PLEKHA7: variants seen among roughly 807,000 people sequenced by gnomAD.
PLEKHA7 encodes pleckstrin homology domain-containing family A member 7.
A neutral mutation model predicts 170.0 loss-of-function variants in PLEKHA7; 104 were observed. The ratio of observed to expected loss-of-function variants is 0.61; its 90% confidence interval spans 0.52 to 0.72. PLEKHA7 has a LOEUF of 0.72. Ranked by LOEUF, PLEKHA7 falls within the 30% of genes least tolerant of loss-of-function variation. The probability of loss-of-function intolerance (pLI) is 0.00; values close to 1 mark genes in which losing one functional copy is unlikely to be tolerated. For synonymous variants in PLEKHA7, 648 were observed against 660.8 expected, an observed-to-expected ratio of 0.98 and a Z score of 0.30; for missense variants, 1,615 against 1,671.7, an observed-to-expected ratio of 0.97 and a Z score of 0.59.
At chr11:16,963,722 T>C (rs1862203823) in intron 3 of PLEKHA7, among the ~76,000 whole-genome samples, 1 of 152,184 alleles carries the variant, frequency 6.6e-6, no homozygotes, top group Non-Finnish European at 1.5e-5. Flanking sequence ...CGAGTAGCCC[T>C]AATCTGGCAG....
chr11:16,787,853 C>T (rs1205979053), intron 23 of PLEKHA7: 3 of 152,222 alleles, frequency 2.0e-5, no homozygotes, highest in African/African-American at 7.2e-5. Context: ...AGGTTTGCAG[C>T]TTTTAAAGAT....
In PLEKHA7 at chr11:16,783,853, T is replaced by C; in HGVS notation, c.3517-20A>G. The stretch of plus-strand genomic sequence containing the variant: ...GGACAGCTGGGGAGAGGCCAGGAGG[T>C]GGCAGAGGGAGAGGCTCAGATGTCT... On this transcript the variant is annotated intron_variant, in intron 24 of 26. Transcript: ENST00000531066. 2.1e-6 allele frequency: 3 copies of C among 1,427,824 alleles called. No individual in the cohort carries two copies. The highest frequency in any genetic ancestry group is 2.7e-6 in the Non-Finnish European group (3 of 1,092,456). 88.4% of individuals were successfully genotyped at this position (1,427,824 alleles called of 1,614,324 possible). A position where few individuals can be genotyped will look rare whatever the true frequency, so the allele number is the denominator to read the frequency against.
At chr11:17,009,567 C>A (rs1346408505) in intron 3 of PLEKHA7, among the ~76,000 whole-genome samples, 4 of 152,116 alleles carry the variant, frequency 2.6e-5, no homozygotes, top group Non-Finnish European at 5.9e-5. Flanking sequence ...ACTATTATAC[C>A]TTGCTACCCA....
chr11:16,797,126 A>G (rs1848287756), intron 17 of PLEKHA7, among the ~76,000 whole-genome samples: 1 of 152,232 alleles, frequency 6.6e-6, no homozygotes, highest in South Asian at 2.1e-4. Context: ...CTATATGATC[A>G]TGTGCATTCT....
intron 26 of PLEKHA7, chr11:16,781,078 C>T (rs1217523889): frequency 2.1e-6 from 2 of 938,336 alleles, no homozygotes; most frequent in Admixed American, 6.2e-5. Flanking sequence ...AGGAATTAAG[C>T]GGTGTGTTAG....
At chr11:16,908,491 A>T (rs545861921) in intron 3 of PLEKHA7, among the ~76,000 whole-genome samples, 5 of 140,270 alleles carry the variant, frequency 3.6e-5, no homozygotes, top group South Asian at 2.3e-4. Context: ...TGAGAAAATA[A>T]TTTTTTTTTC....
At chr11:16,868,612 G>A (rs889104167) in intron 4 of PLEKHA7, among the ~76,000 whole-genome samples, 1 of 152,168 alleles carries the variant, frequency 6.6e-6, no homozygotes, top group Non-Finnish European at 1.5e-5. Flanking sequence ...TATAAGTGCA[G>A]GAATCCTCCC....
Position 16,895,556 on chromosome 11 carries a change from C to G in PLEKHA7, c.222-24374G>C, listed in dbSNP as rs148509971. Among the ~76,000 whole-genome samples the G allele has an allele frequency of 7.4e-3, 1,121 of 152,318 alleles. 18 individuals are homozygous for G. Among genetic ancestry groups the G allele is most frequent in the African/African-American group, 0.025 (1,032 of 41,564 alleles). ...ACAGCAGAGAGAGAGCTCAGTGAAT[C>G]ACTTTTCTCTGCTAGTGATGGTTTC... On this transcript the variant is annotated intron_variant, in intron 3 of 26. Transcript: ENST00000531066.
At chr11:16,780,337 C>T (rs2134099009) in intron 26 of PLEKHA7, among the ~76,000 whole-genome samples, 1 of 152,334 alleles carries the variant, frequency 6.6e-6, no homozygotes, top group Middle Eastern at 3.4e-3. Flanking sequence ...GGGTTGGTGC[C>T]AGAGCTTTCT....
intron 3 of PLEKHA7, among the ~76,000 whole-genome samples, chr11:16,906,893 A>C (rs1309061816): frequency 3.2e-5 from 4 of 124,290 alleles, no homozygotes; most frequent in South Asian, 2.9e-4. Context: ...CGTCTCTGCC[A>C]CGCCGCCCAT....
At chr11:16,867,872 C>G (rs1232790110) in intron 4 of PLEKHA7, among the ~76,000 whole-genome samples, 1 of 152,222 alleles carries the variant, frequency 6.6e-6, no homozygotes, top group Non-Finnish European at 1.5e-5. Flanking sequence ...TTCCCTCTTC[C>G]TCCAGTTTAA....
At chr11:16,794,792 C>T in intron 18 of PLEKHA7, 78 bp from the exon 19 acceptor site, 1 of 1,543,282 alleles carries the variant, frequency 6.5e-7, no homozygotes, top group Non-Finnish European at 9.0e-7. Context: ...AGTAATTTAG[C>T]ACCTCGAAGA....
intron 24 of PLEKHA7, 100 bp downstream of exon 24, chr11:16,786,129 G>T (rs1849375763): frequency 1.5e-6 from 2 of 1,377,118 alleles, no homozygotes; most frequent in Admixed American, 2.2e-5. Context: ...GCTGAGCCAT[G>T]TCCCTGTTCA....
intron 4 of PLEKHA7, among the ~76,000 whole-genome samples, chr11:16,865,970 TG>T (rs2135587255): frequency 6.6e-6 from 1 of 151,778 alleles, no homozygotes; most frequent in South Asian, 2.1e-4. Flanking sequence ...CCCGAGTAGC[TG>T]GGATTACAGG....
At chr11:16,997,638 C>A (rs1188347485) in intron 3 of PLEKHA7, among the ~76,000 whole-genome samples, 1 of 152,198 alleles carries the variant, frequency 6.6e-6, no homozygotes, top group African/African-American at 2.4e-5. Context: ...GGTCTCTGAG[C>A]CCCAGCACAG....
intron 3 of PLEKHA7, among the ~76,000 whole-genome samples, chr11:16,924,095 CCA>C (rs1366134602): frequency 3.9e-5 from 6 of 152,098 alleles, no homozygotes; most frequent in Non-Finnish European, 7.4e-5. Context: ...CCTTCCACTC[CCA>C]CTCATTAGGG....
At position 17,009,625 on chromosome 11, in the gene PLEKHA7, TTTTA is replaced by T. The variant is rs34851996; in HGVS notation, c.221+4360_221+4363del. On this transcript the variant is annotated intron_variant, in intron 3 of 26. Transcript: ENST00000531066. ...AGTGCTAGAGTACAAAAAGTCTTCG[TTTTA>T]TTTATTTATTTATTTATTTATTTAC... is the stretch of plus-strand genomic sequence containing the variant. 8.0e-5 allele frequency among the ~76,000 whole-genome samples: 12 copies of T among 149,230 alleles called. No homozygotes were observed. The South Asian group carries it at 8.6e-4, about 11-fold the overall frequency.
intron 9 of PLEKHA7, among the ~76,000 whole-genome samples, chr11:16,828,345 G>T (rs1371303386): frequency 6.6e-6 from 1 of 152,084 alleles, no homozygotes; most frequent in Admixed American, 6.5e-5. Flanking sequence ...TCTCCTTCCT[G>T]CCATCATGCA....
intron 3 of PLEKHA7, among the ~76,000 whole-genome samples, chr11:16,997,953 G>C (rs80030137): frequency 0.051 from 7,759 of 152,274 alleles, 372 homozygotes; most frequent in East Asian, 0.15. Context: ...TGGACAGAGA[G>C]AGACTATGAG....
Sources: gnomAD v4.1 joint callset for allele counts (sites outside exome capture counted in the v4.1 genomes callset) on GRCh38, gnomAD v4.1.1 for gene constraint, MANE v1.5 for transcripts, NCBI Gene and HGNC (gene_info 2026-07-23, HGNC 2026-07-21) for gene names.